Variants in JPT2 observed in about 807,000 individuals in gnomAD.
JPT2 encodes Jupiter microtubule associated homolog 2, also known as CRAMP_1 like.
Under a neutral mutation model 15.9 loss-of-function variants are expected in JPT2, and 9 were observed. The observed-to-expected ratio is 0.57, with a 90% CI of 0.34 to 0.99. JPT2 has a LOEUF of 0.99. Among genes scored for constraint, JPT2 ranks in the 50% least tolerant of loss-of-function variants. The pLI, the probability that JPT2 is intolerant of heterozygous loss-of-function variation, is 0.02. For synonymous variants in JPT2, 95 were observed against 91.7 expected, an observed-to-expected ratio of 1.04 and a Z score of -0.21; for missense variants, 267 against 252.1, an observed-to-expected ratio of 1.06 and a Z score of -0.40.
chr16:1,700,128 C>T lies in JPT2; in HGVS notation c.*1130C>T, dbSNP rs1438825405. 1 of 455,976 alleles carries T rather than the reference C, an allele frequency of 2.2e-6. No individual in the cohort carries two copies. 28.2% of individuals were successfully genotyped at this position (455,976 alleles called of 1,614,324 possible). On this transcript the variant is annotated 3_prime_UTR_variant, in exon 5 of 5. Transcript: ENST00000248098. Reference sequence around the variant, plus strand: ...GAGGAAGAAGAGCTGTGGAGGCCACCCTCTACAAAGCTTTATAGAACTTCT... The same window carrying T: ...GAGGAAGAAGAGCTGTGGAGGCCACTCTCTACAAAGCTTTATAGAACTTCT...
chr16:1,699,625 GC>G lies in JPT2; in HGVS notation c.*630del, dbSNP rs1277254630. The G allele has an allele frequency of 1.8e-5, 5 of 284,400 alleles. No individual in the cohort carries two copies. The highest frequency in any genetic ancestry group is 2.8e-5 in the Non-Finnish European group (4 of 143,710). 17.6% of individuals were successfully genotyped at this position (284,400 alleles called of 1,614,324 possible). A position where few individuals can be genotyped will look rare whatever the true frequency, so the allele number is the denominator to read the frequency against. ...TTTTGGTGCCCTGACCCTCTGAAGTGCCCAGTTCCTGCCATCTGAAACCTCG... is the reference window on the plus strand; with the variant it reads ...TTTTGGTGCCCTGACCCTCTGAAGTGCCAGTTCCTGCCATCTGAAACCTCG... On this transcript the variant is annotated 3_prime_UTR_variant, in exon 5 of 5. Transcript: ENST00000248098.
rs2037154449 is a variant in JPT2 at position 1,697,931 on chromosome 16, C to G, written c.385+71C>G. On this transcript the variant is annotated intron_variant, in intron 4 of 4. Coordinates refer to ENST00000248098, the MANE Select transcript of JPT2 (RefSeq NM_144570.3). Reference sequence around the variant, plus strand: ...TCTGGAAGAGTTGCTAGTCTCTCCTCTGGGAATGAAAAGGAGTCTTTCTTT... The same window carrying G: ...TCTGGAAGAGTTGCTAGTCTCTCCTGTGGGAATGAAAAGGAGTCTTTCTTT... The G allele has an allele frequency of 3.6e-6, 5 of 1,402,352 alleles. No individual in the cohort carries two copies. In the South Asian group the frequency reaches 4.7e-5, roughly 13 times the overall value. 86.9% of individuals were successfully genotyped at this position (1,402,352 alleles called of 1,614,324 possible). A position where few individuals can be genotyped will look rare whatever the true frequency, so the allele number is the denominator to read the frequency against.
At chr16:1,681,711 G>A (rs1005496781) in intron 1 of JPT2, among the ~76,000 whole-genome samples, 2 of 152,138 alleles carry the variant, frequency 1.3e-5, no homozygotes, top group African/African-American at 4.8e-5. Flanking sequence ...CTCTATCTAC[G>A]GCGTCTGGGG....
intron 2 of JPT2, among the ~76,000 whole-genome samples, chr16:1,687,036 G>A (rs1567469708): frequency 6.6e-6 from 1 of 152,242 alleles, no homozygotes; most frequent in Non-Finnish European, 1.5e-5. Flanking sequence ...AGGCTGGAGT[G>A]CAGTGTCACC....
At chr16:1,690,185 C>G (rs553844403) in intron 2 of JPT2, 1 of 152,294 alleles carries the variant, frequency 6.6e-6, no homozygotes, top group South Asian at 2.1e-4. Flanking sequence ...CAGTGGGGCC[C>G]TCAAGCGGGT....
chr16:1,690,590 A>T (rs907491735), intron 2 of JPT2: 1 of 152,114 alleles, frequency 6.6e-6, no homozygotes, highest in Non-Finnish European at 1.5e-5. Flanking sequence ...AAAGATCAAA[A>T]CTCTGTAAAC....
chr16:1,685,166 A>G (rs913598232), intron 1 of JPT2, among the ~76,000 whole-genome samples: 1 of 151,912 alleles, frequency 6.6e-6, no homozygotes, highest in Non-Finnish European at 1.5e-5. Context: ...GTCTCTACCA[A>G]AAATACAAAA....
At chr16:1,678,435 G>A in intron 1 of JPT2, 79 bp downstream of exon 1, 1 of 1,001,054 alleles carries the variant, frequency 1.0e-6, no homozygotes, top group Non-Finnish European at 1.3e-6. Flanking sequence ...GCGTCCACCA[G>A]CCGTGTGGGG....
chr16:1,685,912 A>C (rs1046380056), intron 2 of JPT2: 14 of 230,444 alleles, frequency 6.1e-5, no homozygotes, highest in African/African-American at 3.2e-4. Flanking sequence ...AATTGCGTGC[A>C]AATTATTGTG....
rs1459766920 is a variant in JPT2 at position 1,700,671 on chromosome 16, A to C, written c.*1673A>C. 1.3e-5 allele frequency: 2 copies of C among 153,850 alleles called. No homozygotes were observed. The highest frequency in any genetic ancestry group is 2.9e-5 in the Non-Finnish European group (2 of 68,810). The allele number at this position is 153,850 out of a possible 1,614,324, so 9.5% of individuals were successfully genotyped here. On this transcript the variant is annotated 3_prime_UTR_variant, in exon 5 of 5. Coordinates refer to ENST00000248098, the MANE Select transcript of JPT2 (RefSeq NM_144570.3). ...AAACACTCTGTGTGACTCTACACAC[A>C]CTTCAGGTGGTTTGTGCTTCAAAGT...
intron 1 of JPT2, 143 bp from the exon 2 acceptor site, chr16:1,685,296 C>T (rs2037056030): frequency 1.2e-6 from 1 of 868,608 alleles, no homozygotes; most frequent in Non-Finnish European, 1.7e-6. Flanking sequence ...TCACTGCGCT[C>T]CAGCCTGGGT....
intron 2 of JPT2, among the ~76,000 whole-genome samples, chr16:1,687,206 C>T (rs561607607): frequency 3.3e-5 from 5 of 152,196 alleles, no homozygotes; most frequent in South Asian, 4.1e-4. Flanking sequence ...AGGCTGGTCT[C>T]GAACTCCTGG....
intron 1 of JPT2, 161 bp from the exon 2 acceptor site, chr16:1,685,278 A>C (rs1318836471): frequency 1.4e-6 from 1 of 698,688 alleles, no homozygotes; most frequent in African/African-American, 1.8e-5. Context: ...CAGTGAGCCA[A>C]AATCACGTCA....
intron 1 of JPT2, chr16:1,680,513 T>G (rs2037014354): frequency 2.4e-6 from 3 of 1,238,464 alleles, no homozygotes; most frequent in Non-Finnish European, 3.1e-6. Flanking sequence ...CACTGGAAGC[T>G]TCTGCTTGGG....
intron 1 of JPT2, among the ~76,000 whole-genome samples, chr16:1,679,295 C>T (rs968202995): frequency 2.0e-5 from 3 of 152,212 alleles, no homozygotes; most frequent in Non-Finnish European, 2.9e-5. Flanking sequence ...ACTGTTAAGA[C>T]CAATACTATA....
chr16:1,683,526 C>T (rs943356423), intron 1 of JPT2: 4 of 1,535,088 alleles, frequency 2.6e-6, no homozygotes, highest in East Asian at 2.4e-5. Context: ...CAACTGCTGA[C>T]AGGAAGTTTG....
chr16:1,696,088 G>A (rs1422913510), intron 3 of JPT2, among the ~76,000 whole-genome samples: 3 of 152,078 alleles, frequency 2.0e-5, no homozygotes, highest in South Asian at 2.1e-4. Context: ...AACTAGCCGG[G>A]CATGATGGTG....
chr16:1,694,186 C>T (rs928872390), intron 3 of JPT2, among the ~76,000 whole-genome samples: 4 of 152,140 alleles, frequency 2.6e-5, no homozygotes, highest in Admixed American at 6.5e-5. Context: ...GTACTGAAAT[C>T]GTGGATCTGA....
intron 3 of JPT2, 146 bp downstream of exon 3, chr16:1,692,131 A>C (rs910413789): frequency 1.3e-5 from 14 of 1,052,408 alleles, no homozygotes; most frequent in Non-Finnish European, 1.8e-5. Context: ...TTAGTCATCG[A>C]GTTTGGAAGT....
Sources: gnomAD v4.1 joint callset for allele counts (sites outside exome capture counted in the v4.1 genomes callset) on GRCh38, gnomAD v4.1.1 for gene constraint, MANE v1.5 for transcripts, NCBI Gene and HGNC (gene_info 2026-07-23, HGNC 2026-07-21) for gene names.